The following DLGAP2 variants were observed in gnomAD, a reference collection of about 807,000 sequenced individuals.
DLGAP2 encodes the protein DLG associated protein 2.
Under a neutral mutation model 100.3 loss-of-function variants are expected in DLGAP2, and 26 were observed. That is an observed-to-expected ratio of 0.26 (90% CI 0.19 to 0.36). DLGAP2 has a LOEUF of 0.36. Among genes scored for constraint, DLGAP2 ranks in the 10% least tolerant of loss-of-function variants. The probability of loss-of-function intolerance (pLI) is 1.00; values close to 1 mark genes in which losing one functional copy is unlikely to be tolerated. For missense variants in DLGAP2, 1,858 were observed against 1,453.2 expected (o/e 1.28, Z -4.53); for synonymous variants, 886 against 630.1 (o/e 1.41, Z -6.08).
At position 1,548,979 on chromosome 8, in the gene DLGAP2, T is replaced by G; in HGVS notation, c.526T>G (p.Cys176Gly). The G allele has an allele frequency of 6.3e-7, 1 of 1,599,326 alleles. No homozygotes were observed. Among genetic ancestry groups the G allele is most frequent in the Admixed American group, 1.7e-5 (1 of 59,944 alleles). The change falls in exon 5 of 15, where the codon TGC becomes GGC. Residue 176 changes from cysteine (C) to glycine (G), a missense_variant. Physicochemically the swap from Cys to Gly is radical, Grantham distance 159 (BLOSUM62 -3). Transcript: ENST00000637795. ...YSSHYDTRDD[C>G]AVAHAGAKIN... is the part of the protein sequence containing the mutation. ...CTCGCACTACGACACGCGCGACGAC[T>G]GCGCTGTGGCCCACGCGGGCGCCAA...
intron 1 of DLGAP2, among the ~76,000 whole-genome samples, chr8:740,800 T>C (rs1820463782): frequency 1.3e-5 from 2 of 152,232 alleles, no homozygotes; most frequent in Non-Finnish European, 1.5e-5. Flanking sequence ...TCCAAGGAGT[T>C]GAATGATGTA....
At position 1,080,803 on chromosome 8, in the gene DLGAP2, C is replaced by T. The variant is rs187843900; in HGVS notation, c.73+172837C>T. 1.0e-3 allele frequency among the ~76,000 whole-genome samples: 154 copies of T among 152,274 alleles called. 1 individual carries two copies. The highest frequency in any genetic ancestry group is 3.5e-3 in the African/African-American group (147 of 41,546). ...CTTAAGTGTTGAAATTATACTAGGTCAGATCCACTCACTCAGCGCTCTGAG... is the reference window on the plus strand; with the variant it reads ...CTTAAGTGTTGAAATTATACTAGGTTAGATCCACTCACTCAGCGCTCTGAG... On this transcript the variant is annotated intron_variant, in intron 2 of 14. Coordinates refer to ENST00000637795, the MANE Select transcript of DLGAP2 (RefSeq NM_001346810.2).
At chr8:1,159,110 C>G (rs533081328) in intron 2 of DLGAP2, among the ~76,000 whole-genome samples, 1 of 152,294 alleles carries the variant, frequency 6.6e-6, no homozygotes, top group East Asian at 1.9e-4. Context: ...TAGACCTGGT[C>G]ATTTGACACC....
intron 3 of DLGAP2, among the ~76,000 whole-genome samples, chr8:1,338,935 G>T (rs560813382): frequency 6.6e-6 from 1 of 151,454 alleles, no homozygotes; most frequent in Non-Finnish European, 1.5e-5. Context: ...GGAATGCAAT[G>T]ACCTCAGTGA....
chr8:1,416,550 C>T (rs1463917715), intron 3 of DLGAP2, among the ~76,000 whole-genome samples: 2 of 152,280 alleles, frequency 1.3e-5, no homozygotes, highest in South Asian at 4.2e-4. Flanking sequence ...GAGGCCTGAA[C>T]CAGAACCCCT....
In DLGAP2 at chr8:1,255,007, T is replaced by TGTGTGTGTGTCCTCTCATCCTGC. The variant is rs1563043347; in HGVS notation, c.74-3844_74-3843insGTGTGTGTGTCCTCTCATCCTGC. 6.2e-5 allele frequency among the ~76,000 whole-genome samples: 2 copies of TGTGTGTGTGTCCTCTCATCCTGC among 32,054 alleles called. 1 individual carries two copies. The highest frequency in any genetic ancestry group is 1.3e-4 in the Non-Finnish European group (2 of 15,862). The allele number at this position is 32,054 out of a possible 152,430, so 21.0% of individuals were successfully genotyped here. On this transcript the variant is annotated intron_variant, in intron 2 of 14. Transcript: ENST00000637795. Reference sequence around the variant, plus strand: ...CTGTGTGTGTGTCCTCTCATCCTGCTTGGGCGCTGTGTGTGTGTCTTCTCC... The same window carrying TGTGTGTGTGTCCTCTCATCCTGC: ...CTGTGTGTGTGTCCTCTCATCCTGCTGTGTGTGTGTCCTCTCATCCTGCTGGGCGCTGTGTGTGTGTCTTCTCC...
intron 2 of DLGAP2, chr8:1,019,368 A>C (rs1175530883): frequency 1.3e-5 from 2 of 152,028 alleles, no homozygotes; most frequent in African/African-American, 4.8e-5. Context: ...TCTGCTGCAT[A>C]ATATCACCAC....
intron 4 of DLGAP2, among the ~76,000 whole-genome samples, chr8:1,518,350 G>T (rs1030333945): frequency 5.9e-5 from 9 of 152,154 alleles, no homozygotes; most frequent in Non-Finnish European, 8.8e-5. Context: ...TTTGTCTTCA[G>T]ATTGTCGGTT....
At chr8:1,279,483 A>G (rs1799772659) in intron 3 of DLGAP2, among the ~76,000 whole-genome samples, 1 of 152,258 alleles carries the variant, frequency 6.6e-6, no homozygotes, top group South Asian at 2.1e-4. Context: ...TATACCAAGA[A>G]GGTGCTGCGG....
At chr8:1,417,412 T>G (rs928825542) in intron 3 of DLGAP2, among the ~76,000 whole-genome samples, 8 of 152,214 alleles carry the variant, frequency 5.3e-5, no homozygotes, top group African/African-American at 1.9e-4. Context: ...AGCCTCTGAT[T>G]GTTGAAGCAA....
chr8:749,578 C>T (rs1457892992), intron 1 of DLGAP2, among the ~76,000 whole-genome samples: 1 of 152,058 alleles, frequency 6.6e-6, no homozygotes, highest in African/African-American at 2.4e-5. Context: ...AAACTTTCCC[C>T]TATTGTTTGA....
chr8:1,258,545 A>G (rs935081210), intron 2 of DLGAP2, among the ~76,000 whole-genome samples: 9 of 152,200 alleles, frequency 5.9e-5, no homozygotes, highest in Non-Finnish European at 8.8e-5. Flanking sequence ...TGGCACCTGT[A>G]TACCTATGTA....
At chr8:1,590,324 G>C (rs531820569) in intron 6 of DLGAP2, among the ~76,000 whole-genome samples, 18 of 152,304 alleles carry the variant, frequency 1.2e-4, no homozygotes, top group African/African-American at 4.1e-4. Context: ...CGCGTCGCCA[G>C]GATAATGAAG....
intron 2 of DLGAP2, among the ~76,000 whole-genome samples, chr8:1,239,499 A>T (rs372115991): frequency 1.6e-5 from 1 of 60,930 alleles, no homozygotes; most frequent in Non-Finnish European, 2.9e-5. Flanking sequence ...TCTCACACAG[A>T]GCATCGTGTC....
chr8:1,269,161 C>A (rs145926157), intron 3 of DLGAP2, among the ~76,000 whole-genome samples: 5 of 152,328 alleles, frequency 3.3e-5, no homozygotes, highest in Non-Finnish European at 5.9e-5. Flanking sequence ...CTTCTCCGGG[C>A]CATGTTCGTT....
chr8:1,193,798 C>T (rs1045803967), intron 2 of DLGAP2, among the ~76,000 whole-genome samples: 2 of 152,084 alleles, frequency 1.3e-5, no homozygotes, highest in African/African-American at 4.8e-5. Context: ...ACCATGCCCC[C>T]TGCAGCCAGC....
At chr8:1,464,511 C>A (rs1242413715) in intron 3 of DLGAP2, among the ~76,000 whole-genome samples, 1 of 98,844 alleles carries the variant, frequency 1.0e-5, no homozygotes, top group African/African-American at 3.9e-5. Context: ...AGGACGGCAC[C>A]CTTCCAGGAA....
rs1798852487 is a variant in DLGAP2, at chr8:1,678,150, G to C, written c.2289-64G>C. On this transcript the variant is annotated intron_variant, in intron 11 of 14. Transcript: ENST00000637795. ...GTGCGCTCCTGACAGGCGACATGTA[G>C]GACTTTGTTGCATGAAGTCCTCTCA... The C allele has an allele frequency of 3.2e-6, 5 of 1,541,228 alleles. No individual in the cohort carries two copies. In the East Asian group the frequency reaches 9.1e-5, roughly 28 times the overall value.
intron 6 of DLGAP2, among the ~76,000 whole-genome samples, chr8:1,600,951 T>G (rs1262519489): frequency 1.3e-5 from 2 of 152,202 alleles, no homozygotes; most frequent in Non-Finnish European, 2.9e-5. Flanking sequence ...AGAAGAGGCT[T>G]TCTGGTTTTT....
Sources: gnomAD v4.1 joint callset for allele counts (sites outside exome capture counted in the v4.1 genomes callset) on GRCh38, gnomAD v4.1.1 for gene constraint, MANE v1.5 for transcripts, NCBI Gene and HGNC (gene_info 2026-07-23, HGNC 2026-07-21) for gene names.